DYNC2I1: variants seen among roughly 807,000 people sequenced by gnomAD.
DYNC2I1 encodes the protein dynein 2 intermediate chain 1.
In DYNC2I1, 89 loss-of-function variants were observed where a neutral mutation model predicts 133.4. The observed-to-expected ratio is 0.67, with a 90% CI of 0.56 to 0.80. DYNC2I1 has a LOEUF of 0.80. Among genes scored for constraint, DYNC2I1 ranks in the 30% least tolerant of loss-of-function variants. DYNC2I1 has a pLI of 0.00. For synonymous variants in DYNC2I1, 504 were observed against 484.3 expected (o/e 1.04, Z -0.54); for missense variants, 1,291 against 1,314.5 (o/e 0.98, Z 0.28).
intron 7 of DYNC2I1, among the ~76,000 whole-genome samples, chr7:158,889,868 G>C (rs916024700): frequency 6.6e-6 from 1 of 151,824 alleles, no homozygotes; most frequent in Non-Finnish European, 1.5e-5. Flanking sequence ...AGCCGGGTGT[G>C]GTGGTGGCCT....
At chr7:158,930,087 T>C (rs1457177646) in intron 20 of DYNC2I1, among the ~76,000 whole-genome samples, 1 of 152,180 alleles carries the variant, frequency 6.6e-6, no homozygotes, top group East Asian at 1.9e-4. Flanking sequence ...GGAGCCTCGG[T>C]GGACATTCAC....
chr7:158,911,964 A>G (rs537505283), intron 12 of DYNC2I1, among the ~76,000 whole-genome samples: 1 of 152,296 alleles, frequency 6.6e-6, no homozygotes, highest in African/African-American at 2.4e-5. Flanking sequence ...GTGAAGCTTT[A>G]TGCTGTGCAA....
Position 158,956,113 on chromosome 7 carries a change from G to A in DYNC2I1, c.*57-470G>A, listed in dbSNP as rs1011446911. 3.9e-5 allele frequency among the ~76,000 whole-genome samples: 6 copies of A among 152,226 alleles called. No individual in the cohort carries two copies. In the East Asian group the frequency reaches 1.2e-3, roughly 29 times the overall value. On this transcript the variant is annotated intron_variant and NMD_transcript_variant, in intron 4 of 4. Coordinates refer to the DYNC2I1 transcript ENST00000454771. ...AAATCTGTTTTTCTCTCATGTGAGCGTCTAGACCGGGAGGCGGCCAGAAGT... is the reference window on the plus strand; with the variant it reads ...AAATCTGTTTTTCTCTCATGTGAGCATCTAGACCGGGAGGCGGCCAGAAGT...
At chr7:158,893,621 A>G (rs936843839) in intron 8 of DYNC2I1, among the ~76,000 whole-genome samples, 2 of 152,158 alleles carry the variant, frequency 1.3e-5, no homozygotes, top group Non-Finnish European at 2.9e-5. Context: ...TGTTGCCAGC[A>G]TCATAACAGT....
At chr7:158,856,826 C>T (rs1474038882) in intron 1 of DYNC2I1, 76 bp downstream of exon 1, 12 of 1,216,174 alleles carry the variant, frequency 9.9e-6, no homozygotes, top group South Asian at 4.2e-5. Flanking sequence ...GCAGCGCCGC[C>T]GCCGCCCTCC....
chr7:158,891,517 C>A (rs1228307138), intron 8 of DYNC2I1, among the ~76,000 whole-genome samples, 184 bp downstream of exon 8: 1 of 152,178 alleles, frequency 6.6e-6, no homozygotes, highest in East Asian at 1.9e-4. Flanking sequence ...GTTTGAAGTC[C>A]TCGGTCATGT....
intron 15 of DYNC2I1, among the ~76,000 whole-genome samples, chr7:158,919,951 C>T (rs965403358): frequency 3.9e-5 from 6 of 152,030 alleles, no homozygotes; most frequent in South Asian, 2.1e-4. Context: ...TGGCCTCCGT[C>T]GGAGAACACG....
intron 4 of DYNC2I1, 82 bp from the exon 5 acceptor site, chr7:158,879,602 T>C (rs781756910): frequency 6.9e-7 from 1 of 1,443,790 alleles, no homozygotes. Context: ...GGATCCGTCG[T>C]TGCAGAACCC....
At chr7:158,888,802 TA>T (rs1844877835) in intron 7 of DYNC2I1, among the ~76,000 whole-genome samples, 2 of 152,318 alleles carry the variant, frequency 1.3e-5, no homozygotes, top group African/African-American at 2.4e-5. Flanking sequence ...TGCTTTATTC[TA>T]TGTCCGTACA....
At chr7:158,915,587 T>G in intron 14 of DYNC2I1, among the ~76,000 whole-genome samples, 2 of 150,436 alleles carry the variant, frequency 1.3e-5, no homozygotes, top group African/African-American at 4.9e-5. Context: ...ACACGCTGGT[T>G]GAGATTAAGG....
rs536568357 is a variant in DYNC2I1, at chr7:158,865,194, G to A, written c.16-4661G>A. On this transcript the variant is annotated intron_variant, in intron 1 of 24. Coordinates refer to ENST00000407559, the MANE Select transcript of DYNC2I1 (RefSeq NM_018051.5). ...CCACCTCTGATGGTGCACCTTGGAG[G>A]TGATACCACCTTGGAAGTGATTTCA... Among the ~76,000 whole-genome samples, 8 of 152,330 alleles carry A rather than the reference G, an allele frequency of 5.3e-5. No homozygotes were observed. The South Asian group carries it at 1.4e-3, about 28-fold the overall frequency.
chr7:158,847,584 C>T, the DYNC2I1 span, among the ~76,000 whole-genome samples: 1 of 152,028 alleles, frequency 6.6e-6, no homozygotes, highest in Non-Finnish European at 1.5e-5. Context: ...ACTCATACTC[C>T]CAGGCAGTTA....
At chr7:158,841,219 A>T in the DYNC2I1 span, among the ~76,000 whole-genome samples, 2,137 of 76,888 alleles carry the variant, frequency 0.028, 117 homozygotes, top group South Asian at 0.052. Flanking sequence ...ATATATATAT[A>T]TATTTTAGAC....
chr7:158,841,453 T>C, the DYNC2I1 span, among the ~76,000 whole-genome samples: 1 of 151,948 alleles, frequency 6.6e-6, no homozygotes, highest in African/African-American at 2.4e-5. Context: ...CCTCAGGTGA[T>C]TCGCCTGCCT....
chr7:158,938,049 A>G (rs2129488282), intron 23 of DYNC2I1, among the ~76,000 whole-genome samples: 1 of 152,384 alleles, frequency 6.6e-6, no homozygotes, highest in African/African-American at 2.4e-5. Context: ...TAGAAAATGT[A>G]TTCAAAGAAA....
At chr7:158,918,616 A>G in intron 14 of DYNC2I1, 124 bp from the exon 15 acceptor site, 1 of 1,105,394 alleles carries the variant, frequency 9.0e-7, no homozygotes, top group East Asian at 2.4e-5. Context: ...TCTTGTAGTT[A>G]TGATAGCGTC....
the DYNC2I1 span, among the ~76,000 whole-genome samples, chr7:158,840,608 C>T: frequency 5.3e-5 from 8 of 152,284 alleles, no homozygotes; most frequent in South Asian, 1.2e-3. Context: ...TTATAAATCA[C>T]GCAATTATAA....
intron 12 of DYNC2I1, 36 bp downstream of exon 12, chr7:158,911,715 C>A: frequency 6.3e-7 from 1 of 1,578,234 alleles, no homozygotes; most frequent in South Asian, 1.2e-5. Flanking sequence ...TGATAAAATG[C>A]AAGTAAAGTC....
intron 17 of DYNC2I1, among the ~76,000 whole-genome samples, chr7:158,924,889 G>A (rs1404525527): frequency 6.6e-6 from 1 of 151,988 alleles, no homozygotes; most frequent in Non-Finnish European, 1.5e-5. Context: ...TGAGTATCTG[G>A]GATTACAGGT....
Sources: gnomAD v4.1 joint callset for allele counts (sites outside exome capture counted in the v4.1 genomes callset) on GRCh38, gnomAD v4.1.1 for gene constraint, MANE v1.5 for transcripts, NCBI Gene and HGNC (gene_info 2026-07-23, HGNC 2026-07-21) for gene names.